The following LUC7L2 variants were observed in gnomAD, a reference collection of about 807,000 sequenced individuals.
The protein encoded by LUC7L2 is LUC7 like 2, pre-mRNA splicing factor, also known as putative RNA-binding protein Luc7-like 2.
Under a neutral mutation model 52.8 loss-of-function variants are expected in LUC7L2, and 25 were observed. The observed-to-expected ratio is 0.47, with a 90% CI of 0.34 to 0.66. The LOEUF (loss-of-function observed/expected upper bound fraction) is 0.66. Among genes scored for constraint, LUC7L2 ranks in the 30% least tolerant of loss-of-function variants. The pLI, the probability that LUC7L2 is intolerant of heterozygous loss-of-function variation, is 0.01. For synonymous variants in LUC7L2, 144 were observed against 160.9 expected (o/e 0.89, Z 0.80); for missense variants, 328 against 497.8 (o/e 0.66, Z 3.25).
chr7:139,417,499 A>G (rs1427653628), intron 8 of LUC7L2, 39 bp from the exon 9 acceptor site: 4 of 1,588,244 alleles, frequency 2.5e-6, no homozygotes, highest in Non-Finnish European at 3.4e-6. Flanking sequence ...AAATATAGTA[A>G]TTACAAAGGT....
chr7:139,401,536 T>G (rs911183804), intron 3 of LUC7L2, among the ~76,000 whole-genome samples: 1 of 152,146 alleles, frequency 6.6e-6, no homozygotes, highest in Non-Finnish European at 1.5e-5. Context: ...CACTGCAACC[T>G]CAGCCTCCCA....
chr7:139,370,686 C>T (rs915008813), intron 1 of LUC7L2, among the ~76,000 whole-genome samples: 8 of 152,166 alleles, frequency 5.3e-5, no homozygotes, highest in Non-Finnish European at 1.0e-4. Flanking sequence ...AACTCCTGAC[C>T]GCAGGTGATC....
chr7:139,387,955 C>T (rs1322322745), intron 2 of LUC7L2, among the ~76,000 whole-genome samples: 4 of 152,072 alleles, frequency 2.6e-5, no homozygotes, highest in Non-Finnish European at 5.9e-5. Context: ...TACTTATTGT[C>T]GTCTCACTCC....
At chr7:139,373,381 C>T (rs1265714677) in intron 1 of LUC7L2, among the ~76,000 whole-genome samples, 2 of 152,108 alleles carry the variant, frequency 1.3e-5, no homozygotes, top group African/African-American at 2.4e-5. Flanking sequence ...AATTATTAAG[C>T]GTTTTATTAT....
intron 1 of LUC7L2, among the ~76,000 whole-genome samples, chr7:139,351,168 C>A (rs1432643931): frequency 6.6e-6 from 1 of 152,146 alleles, no homozygotes; most frequent in Admixed American, 6.5e-5. Flanking sequence ...GTTCAGGCTC[C>A]TCTGGCATGC....
At position 139,396,263 on chromosome 7, in the gene LUC7L2, T is replaced by C. The variant is rs547759906; in HGVS notation, c.157-2336T>C. Among the ~76,000 whole-genome samples, 533 of 151,932 alleles carry C rather than the reference T, an allele frequency of 3.5e-3. 5 individuals are homozygous for C. Among genetic ancestry groups the C allele is most frequent in the Non-Finnish European group, 3.5e-3 (239 of 67,938 alleles). On this transcript the variant is annotated intron_variant, in intron 2 of 9. Coordinates refer to ENST00000354926, the MANE Select transcript of LUC7L2 (RefSeq NM_016019.5). Reference sequence around the variant, plus strand: ...GACCAGCCTGGGCAAGATAGCACCCTTTGTCTCTACTTAAAAAAAAAAATT... The same window carrying C: ...GACCAGCCTGGGCAAGATAGCACCCCTTGTCTCTACTTAAAAAAAAAAATT...
chr7:139,364,766 G>A (rs1048502466), intron 1 of LUC7L2, among the ~76,000 whole-genome samples: 24 of 152,156 alleles, frequency 1.6e-4, no homozygotes, highest in Non-Finnish European at 1.3e-4. Flanking sequence ...GAAGTAGTGC[G>A]TTCTTTAATG....
At chr7:139,377,455 A>G (rs34325886) in intron 2 of LUC7L2, among the ~76,000 whole-genome samples, 8,981 of 151,786 alleles carry the variant, frequency 0.059, 363 homozygotes, top group East Asian at 0.14. Flanking sequence ...GTGCGGTGGC[A>G]TGATCTTGGC....
chr7:139,396,021 G>A (rs549508049), intron 2 of LUC7L2, among the ~76,000 whole-genome samples: 1 of 152,192 alleles, frequency 6.6e-6, no homozygotes, highest in South Asian at 2.1e-4. Flanking sequence ...GCTACCTGAT[G>A]GTTGAATTAT....
chr7:139,397,860 T>G (rs1009178820), intron 2 of LUC7L2, among the ~76,000 whole-genome samples: 1 of 152,222 alleles, frequency 6.6e-6, no homozygotes, highest in Non-Finnish European at 1.5e-5. Flanking sequence ...TTTATTTCCC[T>G]GATACATGCT....
chr7:139,408,570 G>A (rs1388882466), intron 6 of LUC7L2, among the ~76,000 whole-genome samples: 5 of 152,214 alleles, frequency 3.3e-5, no homozygotes, highest in African/African-American at 4.8e-5. Context: ...AAGGCTAGGC[G>A]CAGTGGCTCA....
intron 7 of LUC7L2, among the ~76,000 whole-genome samples, chr7:139,411,405 G>A (rs1364790292): frequency 6.6e-6 from 1 of 152,132 alleles, no homozygotes; most frequent in Non-Finnish European, 1.5e-5. Context: ...AGACACTGTA[G>A]TAAGGAATTT....
chr7:139,391,806 C>T (rs534208769), intron 2 of LUC7L2, among the ~76,000 whole-genome samples: 3 of 152,186 alleles, frequency 2.0e-5, no homozygotes, highest in East Asian at 3.9e-4. Context: ...AGGCTGGTCT[C>T]GAACTCCTGG....
intron 1 of LUC7L2, among the ~76,000 whole-genome samples, chr7:139,343,353 C>T: frequency 6.6e-6 from 1 of 152,304 alleles, no homozygotes; most frequent in East Asian, 1.9e-4. Flanking sequence ...ACATGATCTG[C>T]AGATCCTAAA....
chr7:139,386,896 A>G (rs1161014872), intron 2 of LUC7L2, among the ~76,000 whole-genome samples: 2 of 151,824 alleles, frequency 1.3e-5, no homozygotes, highest in Admixed American at 6.6e-5. Context: ...CTGGAGTGCA[A>G]TGGCTTGATT....
intron 7 of LUC7L2, among the ~76,000 whole-genome samples, chr7:139,412,152 A>C (rs146276213): frequency 3.2e-3 from 492 of 152,114 alleles, no homozygotes; most frequent in Non-Finnish European, 5.4e-3. Flanking sequence ...TCGGAAGGCC[A>C]AGGTGGTTGG....
intron 2 of LUC7L2, among the ~76,000 whole-genome samples, chr7:139,395,798 G>T (rs1026017000): frequency 7.2e-5 from 11 of 152,010 alleles, no homozygotes; most frequent in African/African-American, 2.7e-4. Flanking sequence ...GGGCCACCAT[G>T]CCTGGATAAT....
chr7:139,376,250 T>G, intron 2 of LUC7L2, 94 bp downstream of exon 2: 1 of 1,275,078 alleles, frequency 7.8e-7, no homozygotes, highest in Non-Finnish European at 1.1e-6. Flanking sequence ...AGAATTGACT[T>G]GTGAGGGGAG....
intron 1 of LUC7L2, chr7:139,374,902 A>G (rs2131212025): frequency 6.0e-6 from 6 of 993,526 alleles, no homozygotes; most frequent in Non-Finnish European, 7.2e-6. Flanking sequence ...AAACTAAGTG[A>G]TTGAATCACA....
Sources: gnomAD v4.1 joint callset for allele counts (sites outside exome capture counted in the v4.1 genomes callset) on GRCh38, gnomAD v4.1.1 for gene constraint, MANE v1.5 for transcripts, NCBI Gene and HGNC (gene_info 2026-07-23, HGNC 2026-07-21) for gene names.